The following ARL17B variants were observed in gnomAD, a reference collection of about 807,000 sequenced individuals.
ARL17B encodes the protein ARF like GTPase 17B, also known as ADP-ribosylation factor-like protein 17.
At chr17:46,290,730 A>T (rs2050044106) in intron 4 of ARL17B, among the ~76,000 whole-genome samples, 1 of 152,266 alleles carries the variant, frequency 6.6e-6, no homozygotes, top group South Asian at 2.1e-4. Context: ...TATAGGCATG[A>T]GCCATTGCGC....
At chr17:46,281,914 G>A (rs762812568) in intron 4 of ARL17B, among the ~76,000 whole-genome samples, 14,287 of 144,504 alleles carry the variant, frequency 0.099, no homozygotes, top group Non-Finnish European at 0.15. Flanking sequence ...AAAGTGCTGG[G>A]ATTACAGGCA....
chr17:46,321,914 C>CAAAAAAAAAA (rs1263117066), intron 3 of ARL17B, among the ~76,000 whole-genome samples: 1 of 10,980 alleles, frequency 9.1e-5, no homozygotes, highest in African/African-American at 1.6e-4. Flanking sequence ...GACTCCATCT[C>CAAAAAAAAAA]AAAAAAAAAA....
At chr17:46,278,890 T>G (rs189168649) in intron 4 of ARL17B, among the ~76,000 whole-genome samples, 1,786 of 151,500 alleles carry the variant, frequency 0.012, 41 homozygotes, top group African/African-American at 0.042. Context: ...CTCTGCCTCC[T>G]GGGTTCAAGT....
chr17:46,274,769 C>A (rs1409092717), downstream of ARL17B: 2 of 152,318 alleles, frequency 1.3e-5, no homozygotes, highest in African/African-American at 4.8e-5. Context: ...ATCATTGTTT[C>A]TTGCTTTCTT....
At position 46,275,135 on chromosome 17, in the gene ARL17B, G is replaced by A. The variant is rs533062677; in HGVS notation, c.*305C>T. 47 of 244,304 alleles carry A rather than the reference G, an allele frequency of 1.9e-4. 1 individual carries two copies. Among genetic ancestry groups the A allele is most frequent in the South Asian group, 6.2e-4 (10 of 16,018 alleles). 15.1% of individuals were successfully genotyped at this position (244,304 alleles called of 1,614,324 possible). ...TCGAACTCCCGACCTCAGATGATCC[G>A]CCCGCCTTGGCCTCCCAAAGTGCTG... On this transcript the variant is annotated 3_prime_UTR_variant, in exon 5 of 5. Transcript: ENST00000570618.
At chr17:46,275,604 C>A (rs2668625) in intron 4 of ARL17B, among the ~76,000 whole-genome samples, 18,481 of 152,182 alleles carry the variant, frequency 0.12, no homozygotes, top group Non-Finnish European at 0.18. Context: ...TCACTGTACA[C>A]TAAGCATAAT....
At chr17:46,285,854 C>A (rs1465159415) in intron 4 of ARL17B, among the ~76,000 whole-genome samples, 4 of 152,230 alleles carry the variant, frequency 2.6e-5, no homozygotes, top group Non-Finnish European at 4.4e-5. Flanking sequence ...CAAAATTATG[C>A]CAGCTGATTT....
rs1285134871 is a variant in ARL17B at position 46,336,187 on chromosome 17, T to C, written c.*3313A>G. Among the ~76,000 whole-genome samples, 2 of 31,434 alleles carry C rather than the reference T, an allele frequency of 6.4e-5. 1 individual carries two copies. The highest frequency in any genetic ancestry group is 9.6e-5 in the African/African-American group (2 of 20,814). 20.6% of individuals were successfully genotyped at this position (31,434 alleles called of 152,430 possible). ...TGGCAGGAAACAGTATTTTCTCTTT[T>C]ATTTCTTTTTTTTTCCCCTGGATCC... On this transcript the variant is annotated 3_prime_UTR_variant, in exon 4 of 4. Coordinates refer to ENST00000450673, the MANE Select transcript of ARL17B (RefSeq NM_001039083.5).
Position 46,361,765 on chromosome 17 carries a change from G to GT in ARL17B, c.-108dup, listed in dbSNP as rs1364059465. 4.6e-5 allele frequency: 6 copies of GT among 131,544 alleles called. No individual in the cohort carries two copies. The South Asian group carries it at 1.5e-3, about 33-fold the overall frequency. 8.1% of individuals were successfully genotyped at this position (131,544 alleles called of 1,614,324 possible). A position where few individuals can be genotyped will look rare whatever the true frequency, so the allele number is the denominator to read the frequency against. ...TCAGTTCAGCTAAACCACGACAGGCGTGGGGGCAGGAACAGCAACCAACCA... is the reference window on the plus strand; with the variant it reads ...TCAGTTCAGCTAAACCACGACAGGCGTTGGGGGCAGGAACAGCAACCAACCA... On this transcript the variant is annotated 5_prime_UTR_variant, in exon 1 of 4. Transcript: ENST00000450673.
At chr17:46,292,023 C>A (rs1443824059) in intron 4 of ARL17B, among the ~76,000 whole-genome samples, 9 of 133,920 alleles carry the variant, frequency 6.7e-5, no homozygotes, top group Admixed American at 5.3e-4. Flanking sequence ...GAATTCACTC[C>A]AAATGAAATT....
At chr17:46,286,670 G>A (rs1419954313) in intron 4 of ARL17B, among the ~76,000 whole-genome samples, 1 of 152,206 alleles carries the variant, frequency 6.6e-6, no homozygotes, top group African/African-American at 2.4e-5. Context: ...AAATGAAAAG[G>A]AATTTGTAAT....
intron 4 of ARL17B, among the ~76,000 whole-genome samples, chr17:46,291,834 G>T (rs550131078): frequency 6.6e-6 from 1 of 151,974 alleles, no homozygotes. Context: ...CATGGCACGC[G>T]CCTGTAGTCC....
At chr17:46,351,771 T>C (rs1355425263) in intron 3 of ARL17B, among the ~76,000 whole-genome samples, 2 of 152,142 alleles carry the variant, frequency 1.3e-5, no homozygotes, top group Non-Finnish European at 2.9e-5. Context: ...GTCTTTACTA[T>C]CAAGTACATG....
intron 4 of ARL17B, among the ~76,000 whole-genome samples, chr17:46,278,281 T>C (rs1457876744): frequency 6.6e-6 from 1 of 152,240 alleles, no homozygotes; most frequent in Non-Finnish European, 1.5e-5. Context: ...TCTTGTTTTA[T>C]CAACTTTCAT....
exon 5 of ARL17B, chr17:46,274,984 C>G (rs2049548572): frequency 6.4e-6 from 1 of 157,478 alleles, no homozygotes; most frequent in East Asian, 1.9e-4. Context: ...CCTCTGCCTC[C>G]CGGGTTCCAG....
intron 4 of ARL17B, among the ~76,000 whole-genome samples, chr17:46,275,667 A>C (rs2049565800): frequency 6.6e-6 from 1 of 152,226 alleles, no homozygotes. Flanking sequence ...ATATTTGTCT[A>C]ATAAAGATTA....
chr17:46,280,149 G>C lies in ARL17B; in HGVS notation c.*22-4731C>G, dbSNP rs1406033083. On this transcript the variant is annotated intron_variant, in intron 4 of 4. Transcript: ENST00000570618. ...GCACTTTGGGAGGCCAGGGCAGGTG[G>C]ATCACTTGCCTTGAGACCAGCTTGG... 2.0e-5 allele frequency among the ~76,000 whole-genome samples: 3 copies of C among 152,318 alleles called. No homozygotes were observed. In the East Asian group the frequency reaches 5.8e-4, roughly 29 times the overall value.
intron 3 of ARL17B, among the ~76,000 whole-genome samples, chr17:46,324,659 G>GAT (rs1245431860): frequency 1.1e-4 from 2 of 18,166 alleles, no homozygotes; most frequent in African/African-American, 1.5e-4. Flanking sequence ...TTCTTTGCAG[G>GAT]ATATATATAT....
At position 46,324,466 on chromosome 17, in the gene ARL17B, AG is replaced by A. The variant is rs959492458; in HGVS notation, c.260-24802del. On this transcript the variant is annotated intron_variant, in intron 3 of 4. Coordinates refer to the ARL17B transcript ENST00000434041. ...CTTCTCCCAGAAATGATACACATTT[AG>A]GTCTATGATCCATTTTGAGTCAATT... Among the ~76,000 whole-genome samples the A allele has an allele frequency of 2.6e-5, 2 of 78,372 alleles. 1 individual carries two copies. Among genetic ancestry groups the A allele is most frequent in the African/African-American group, 6.6e-5 (2 of 30,502 alleles). 51.4% of individuals were successfully genotyped at this position (78,372 alleles called of 152,430 possible). A position where few individuals can be genotyped will look rare whatever the true frequency, so the allele number is the denominator to read the frequency against.
Sources: gnomAD v4.1 joint callset for allele counts (sites outside exome capture counted in the v4.1 genomes callset) on GRCh38, gnomAD v4.1.1 for gene constraint, MANE v1.5 for transcripts, NCBI Gene and HGNC (gene_info 2026-07-23, HGNC 2026-07-21) for gene names.